Variants in TFG observed in about 807,000 individuals in gnomAD.
The protein encoded by TFG is protein TFG.
A neutral mutation model predicts 51.4 loss-of-function variants in TFG; 22 were observed. The ratio of observed to expected loss-of-function variants is 0.43; its 90% CI spans 0.31 to 0.61. The LOEUF is 0.61. Among genes scored for constraint, TFG ranks in the 20% least tolerant of loss-of-function variants. The pLI, the probability that TFG is intolerant of heterozygous loss-of-function variation, is 0.12. For synonymous variants in TFG, 187 were observed against 165.6 expected (o/e 1.13, Z -0.99); for missense variants, 419 against 487.7 (o/e 0.86, Z 1.33).
rs572595977 is a variant in TFG at position 100,739,528 on chromosome 3, T to C, written c.721+2812T>C. 4.6e-5 allele frequency among the ~76,000 whole-genome samples: 7 copies of C among 152,338 alleles called. No individual in the cohort carries two copies. The East Asian group carries it at 1.3e-3, about 29-fold the overall frequency. On this transcript the variant is annotated intron_variant, in intron 6 of 7. Transcript: ENST00000240851. ...AAAAATCATCAGAGATCGGGAGATA[T>C]TGCTGTTTGACAGCCTAAAAAAATG...
chr3:100,719,335 C>G (rs2095054683), intron 2 of TFG, among the ~76,000 whole-genome samples: 2 of 152,156 alleles, frequency 1.3e-5, no homozygotes, highest in Admixed American at 6.6e-5. Context: ...TTCCCTTAGC[C>G]CTTTGAAAGC....
At chr3:100,741,164 T>A (rs543171160) in intron 6 of TFG, among the ~76,000 whole-genome samples, 1 of 152,262 alleles carries the variant, frequency 6.6e-6, no homozygotes, top group African/African-American at 2.4e-5. Flanking sequence ...GTACTCCTAC[T>A]TATTTAAAAA....
intron 3 of TFG, among the ~76,000 whole-genome samples, chr3:100,720,827 T>C (rs1576359538): frequency 1.3e-5 from 2 of 152,260 alleles, no homozygotes; most frequent in East Asian, 3.8e-4. Context: ...GGCAGAACTC[T>C]TAAGGGACAA....
chr3:100,744,889 G>A lies in TFG; in HGVS notation c.778G>A (p.Ala260Thr), dbSNP rs954308968. The A allele has an allele frequency of 1.2e-6, 2 of 1,613,662 alleles. No homozygotes were observed. The highest frequency in any genetic ancestry group is 1.3e-5 in the African/African-American group (1 of 74,982). Residue 260 changes from alanine to threonine, a missense_variant, in exon 7 of 8, where the codon GCT becomes ACT. This residue lies in a region of TFG where 391 missense variants were observed against 434.4 expected (regional missense o/e 0.90). Coordinates refer to ENST00000240851, the MANE Select transcript of TFG (RefSeq NM_006070.6). ...CGGCTATGGTGCACAGCAGCCGCAG[G>A]CTCCACCTCAGCAGCCTCAACAGTA... is the stretch of plus-strand genomic sequence containing the variant. ...QAGYGAQQPQ[A>T]PPQQPQQYGI...
At chr3:100,710,412 A>T (rs945549607) in intron 1 of TFG, 2 of 152,260 alleles carry the variant, frequency 1.3e-5, no homozygotes, top group Non-Finnish European at 2.9e-5. Flanking sequence ...TTAAGATCAC[A>T]TAGCTAGTAG....
intron 3 of TFG, among the ~76,000 whole-genome samples, chr3:100,723,939 A>G (rs563642047): frequency 6.6e-6 from 1 of 152,254 alleles, no homozygotes; most frequent in East Asian, 1.9e-4. Flanking sequence ...TAAAGGTCAT[A>G]TTCTCTGGCT....
chr3:100,711,876 A>G (rs976923375), intron 1 of TFG, among the ~76,000 whole-genome samples: 1 of 152,116 alleles, frequency 6.6e-6, no homozygotes, highest in Admixed American at 6.6e-5. Context: ...GGTATTTAAT[A>G]AGTAGTTCCT....
chr3:100,713,924 A>G (rs2095038191), intron 2 of TFG, 55 bp downstream of exon 2: 3 of 1,119,006 alleles, frequency 2.7e-6, no homozygotes, highest in African/African-American at 1.6e-5. Context: ...AAAAAAAAAA[A>G]GACAGAGCCT....
intron 5 of TFG, among the ~76,000 whole-genome samples, chr3:100,735,438 G>A (rs1161008940): frequency 6.6e-6 from 1 of 152,154 alleles, no homozygotes; most frequent in African/African-American, 2.4e-5. Context: ...CATGCTATAA[G>A]CTCTTGTAAA....
intron 6 of TFG, chr3:100,743,818 A>G (rs1216107573): frequency 6.7e-6 from 1 of 150,214 alleles, no homozygotes; most frequent in Non-Finnish European, 1.5e-5. Flanking sequence ...TTTTTTTCTC[A>G]CTTCAGCAGT....
chr3:100,721,889 G>T (rs1051193191), intron 3 of TFG, among the ~76,000 whole-genome samples: 1 of 152,214 alleles, frequency 6.6e-6, no homozygotes, highest in Non-Finnish European at 1.5e-5. Flanking sequence ...GGTGGCTCAC[G>T]CCTGTAATTC....
intron 6 of TFG, chr3:100,742,353 C>T (rs1320666667): frequency 1.3e-5 from 2 of 151,876 alleles, no homozygotes; most frequent in Non-Finnish European, 2.9e-5. Context: ...ACAAAAATAC[C>T]CCCAGACTTC....
intron 3 of TFG, among the ~76,000 whole-genome samples, chr3:100,724,717 TC>T (rs1265726343): frequency 6.6e-6 from 1 of 152,170 alleles, no homozygotes; most frequent in East Asian, 1.9e-4. Flanking sequence ...ATCAAACTCA[TC>T]AGTGAATATT....
intron 3 of TFG, among the ~76,000 whole-genome samples, chr3:100,724,313 G>A (rs1201068865): frequency 1.3e-5 from 2 of 152,080 alleles, no homozygotes; most frequent in African/African-American, 4.8e-5. Flanking sequence ...ATGAGGATTA[G>A]TTAAGGAGAA....
At chr3:100,710,574 GAGCAGGGTCTTACCCTT>G (rs1386924971) in intron 1 of TFG, among the ~76,000 whole-genome samples, 1 of 152,236 alleles carries the variant, frequency 6.6e-6, no homozygotes, top group Non-Finnish European at 1.5e-5. Context: ...CTCTGAAATT[GAGCAGGGTCTTACCCTT>G]AGAGGTAGTA....
chr3:100,729,135 T>G (rs985863567), intron 4 of TFG, among the ~76,000 whole-genome samples: 4 of 152,330 alleles, frequency 2.6e-5, no homozygotes, highest in African/African-American at 9.6e-5. Flanking sequence ...GGTGATTCTT[T>G]CGCAACTAGT....
At chr3:100,737,295 C>G (rs764168184) in intron 6 of TFG, among the ~76,000 whole-genome samples, 1 of 152,208 alleles carries the variant, frequency 6.6e-6, no homozygotes, top group Non-Finnish European at 1.5e-5. Flanking sequence ...TTTTGATATT[C>G]TTTCACTGTA....
At chr3:100,739,241 C>A (rs188038211) in intron 6 of TFG, among the ~76,000 whole-genome samples, 3 of 152,240 alleles carry the variant, frequency 2.0e-5, no homozygotes, top group African/African-American at 7.2e-5. Context: ...CAATCTCTTA[C>A]AATGTGTTAA....
intron 1 of TFG, among the ~76,000 whole-genome samples, chr3:100,712,035 A>G (rs775248788): frequency 1.3e-5 from 2 of 152,206 alleles, no homozygotes; most frequent in African/African-American, 2.4e-5. Flanking sequence ...TAAGATAAGC[A>G]TGGCATCCCT....
Sources: gnomAD v4.1 joint callset for allele counts (sites outside exome capture counted in the v4.1 genomes callset) on GRCh38, gnomAD v4.1.1 for gene constraint, gnomAD v4.1.1 regional missense constraint, MANE v1.5 for transcripts, NCBI Gene and HGNC (gene_info 2026-07-23, HGNC 2026-07-21) for gene names.